Variants in SNTG2 observed in about 807,000 individuals in gnomAD.
SNTG2 encodes syntrophin gamma 2, also known as gamma-2-syntrophin.
Under a neutral mutation model 70.9 loss-of-function variants are expected in SNTG2, and 74 were observed. The ratio of observed to expected loss-of-function variants is 1.04; its 90% CI spans 0.86 to 1.27. The LOEUF (loss-of-function observed/expected upper bound fraction) is 1.27, where lower values mean the gene tolerates loss of function less well. Ranked by LOEUF, SNTG2 falls within the 50% of genes most tolerant of loss-of-function variation. The probability of loss-of-function intolerance (pLI) is 0.00; values close to 1 mark genes in which losing one functional copy is unlikely to be tolerated. For synonymous variants in SNTG2, 278 were observed against 273.8 expected (o/e 1.02, Z -0.15); for missense variants, 717 against 690.7 (o/e 1.04, Z -0.43).
intron 1 of SNTG2, among the ~76,000 whole-genome samples, chr2:1,032,144 C>A (rs4971336): frequency 0.44 from 66,535 of 152,036 alleles, 15,658 homozygotes; most frequent in African/African-American, 0.61. Flanking sequence ...AAGTGAAACA[C>A]GGGCAGGCAG....
chr2:1,222,544 CGCTGTAGAGGAAAGCGGTG>C (rs1675366519), intron 9 of SNTG2, among the ~76,000 whole-genome samples: 1 of 108,734 alleles, frequency 9.2e-6, no homozygotes, highest in African/African-American at 3.9e-5. Flanking sequence ...GGTGCTGGAT[CGCTGTAGAGGAAAGCGGTG>C]CAGTGATGGA....
intron 1 of SNTG2, among the ~76,000 whole-genome samples, chr2:1,065,397 G>A (rs1437421288): frequency 6.6e-6 from 1 of 152,028 alleles, no homozygotes; most frequent in Non-Finnish European, 1.5e-5. Flanking sequence ...AATTGGAATC[G>A]CCCCTGGCAA....
chr2:1,132,191 ATG>A (rs1177476366), intron 4 of SNTG2, among the ~76,000 whole-genome samples: 1 of 151,724 alleles, frequency 6.6e-6, no homozygotes, highest in African/African-American at 2.4e-5. Flanking sequence ...CTCCATATAT[ATG>A]TGTGTGTATA....
At chr2:1,214,945 G>T (rs1178397231) in intron 9 of SNTG2, among the ~76,000 whole-genome samples, 1 of 152,124 alleles carries the variant, frequency 6.6e-6, no homozygotes, top group African/African-American at 2.4e-5. Context: ...GATGATGAAA[G>T]GATAATGAAT....
intron 1 of SNTG2, among the ~76,000 whole-genome samples, chr2:994,721 T>G (rs1415926507): frequency 6.6e-6 from 1 of 151,920 alleles, no homozygotes; most frequent in Non-Finnish European, 1.5e-5. Flanking sequence ...GTTCTTCCAT[T>G]TATTTAGTTA....
intron 11 of SNTG2, among the ~76,000 whole-genome samples, chr2:1,241,025 C>G (rs1677013151): frequency 6.6e-6 from 1 of 152,194 alleles, no homozygotes. Context: ...CAGCCTTTAT[C>G]AAGGCTGGTG....
chr2:1,153,117 TCCATCTCAAAAAAAAAAAAAATG>T (rs1669627737), intron 6 of SNTG2, among the ~76,000 whole-genome samples: 2 of 133,848 alleles, frequency 1.5e-5, no homozygotes, highest in Admixed American at 1.5e-4. Context: ...ACAGCTGAAC[TCCATCTCAAAAAAAAAAAAAATG>T]CCTTCACAAC....
At chr2:1,179,682 C>A (rs1434933077) in intron 8 of SNTG2, among the ~76,000 whole-genome samples, 1 of 151,838 alleles carries the variant, frequency 6.6e-6, no homozygotes, top group African/African-American at 2.4e-5. Flanking sequence ...CATGAAGCTA[C>A]CAATGACTTT....
intron 1 of SNTG2, among the ~76,000 whole-genome samples, chr2:976,013 G>A (rs1191477651): frequency 6.6e-6 from 1 of 152,150 alleles, no homozygotes; most frequent in African/African-American, 2.4e-5. Context: ...TAATTATGGC[G>A]CATAGTGCCT....
At chr2:1,197,925 T>C (rs1345745356) in intron 8 of SNTG2, among the ~76,000 whole-genome samples, 3 of 138,826 alleles carry the variant, frequency 2.2e-5, no homozygotes, top group Non-Finnish European at 4.6e-5. Flanking sequence ...CAACACTGCT[T>C]TCTCAGCATT....
intron 9 of SNTG2, among the ~76,000 whole-genome samples, chr2:1,224,514 A>G (rs771528350): frequency 6.6e-6 from 1 of 151,974 alleles, no homozygotes; most frequent in Non-Finnish European, 1.5e-5. Context: ...TACCTCAGAG[A>G]CCAAATCTCC....
intron 7 of SNTG2, among the ~76,000 whole-genome samples, chr2:1,170,489 A>C (rs1011555633): frequency 6.6e-6 from 1 of 152,108 alleles, no homozygotes; most frequent in African/African-American, 2.4e-5. Context: ...TGAAGTCAAC[A>C]TCTGCTGGTG....
intron 16 of SNTG2, 123 bp from the exon 17 acceptor site, chr2:1,367,220 G>T: frequency 1.1e-6 from 1 of 882,586 alleles, no homozygotes; most frequent in Non-Finnish European, 1.7e-6. Context: ...CATATTTCCT[G>T]TCTATTATTA....
At chr2:1,202,170 C>A (rs1405830416) in intron 8 of SNTG2, among the ~76,000 whole-genome samples, 1 of 151,954 alleles carries the variant, frequency 6.6e-6, no homozygotes, top group Non-Finnish European at 1.5e-5. Flanking sequence ...TATAAAATAT[C>A]CAATATAAAC....
chr2:1,082,360 G>A (rs58212925), intron 1 of SNTG2, among the ~76,000 whole-genome samples: 116,050 of 152,126 alleles, frequency 0.76, 44,864 homozygotes, highest in Admixed American at 0.87. Flanking sequence ...TGGGGCAGAC[G>A]CAGGCGCTGG....
intron 16 of SNTG2, among the ~76,000 whole-genome samples, chr2:1,335,982 C>A (rs528623179): frequency 3.3e-4 from 50 of 152,206 alleles, no homozygotes; most frequent in Admixed American, 2.2e-3. Flanking sequence ...GTTTTCCTAT[C>A]TTTTTTATTT....
intron 1 of SNTG2, among the ~76,000 whole-genome samples, chr2:1,063,047 T>C (rs1479775885): frequency 6.6e-6 from 1 of 152,234 alleles, no homozygotes; most frequent in East Asian, 1.9e-4. Context: ...TAATTGTCCT[T>C]ACACTTTGTG....
At chr2:1,288,935 A>C (rs973298030) in intron 14 of SNTG2, among the ~76,000 whole-genome samples, 2 of 152,044 alleles carry the variant, frequency 1.3e-5, no homozygotes, top group African/African-American at 4.8e-5. Flanking sequence ...CACAAATCTG[A>C]CTTCAGATTT....
intron 15 of SNTG2, among the ~76,000 whole-genome samples, chr2:1,313,056 C>T (rs1005604348): frequency 1.8e-4 from 28 of 152,082 alleles, no homozygotes; most frequent in African/African-American, 6.3e-4. Flanking sequence ...GTGAAGGATT[C>T]AAGGATTATC....
Sources: gnomAD v4.1 joint callset for allele counts (sites outside exome capture counted in the v4.1 genomes callset) on GRCh38, gnomAD v4.1.1 for gene constraint, MANE v1.5 for transcripts, NCBI Gene and HGNC (gene_info 2026-07-23, HGNC 2026-07-21) for gene names.